NWD1: variants seen among roughly 807,000 people sequenced by gnomAD.
NWD1 encodes NACHT domain- and WD repeat-containing protein 1.
In NWD1, 129 loss-of-function variants were observed where a neutral mutation model predicts 135.1. The ratio of observed to expected loss-of-function variants is 0.96; its 90% CI spans 0.83 to 1.11. The LOEUF is 1.11. Among genes scored for constraint, NWD1 ranks in the 50% least tolerant of loss-of-function variants. The probability of loss-of-function intolerance (pLI) is 0.00; values close to 1 mark genes in which losing one functional copy is unlikely to be tolerated. For synonymous variants in NWD1, 773 were observed against 786.0 expected, an observed-to-expected ratio of 0.98 and a Z score of 0.28; for missense variants, 1,740 against 1,851.3, an observed-to-expected ratio of 0.94 and a Z score of 1.10.
At position 16,765,061 on chromosome 19, in the gene NWD1, G is replaced by A; in HGVS notation, c.2279G>A (p.Gly760Asp). 4 of 1,614,070 alleles carry A rather than the reference G, an allele frequency of 2.5e-6. No homozygotes were observed. Among genetic ancestry groups the A allele is most frequent in the East Asian group, 2.2e-5 (1 of 44,878 alleles). Residue 760 changes from glycine to aspartate, a missense_variant, in exon 10 of 19, where the codon GGC (glycine) becomes GAC (aspartate). By Grantham distance (94) the Gly-to-Asp change is moderately conservative. Transcript: ENST00000524140. ...AGCATGAGCTGGATTTCCTGCCGGGGCATCTCTGGGGGCATTGAAGACCTG... is the reference window on the plus strand; with the variant it reads ...AGCATGAGCTGGATTTCCTGCCGGGACATCTCTGGGGGCATTGAAGACCTG... The part of the protein sequence containing the change: ...LGSMSWISCR[G>D]ISGGIEDLLD...
chr19:16,803,963 C>T (rs1014458049), intron 17 of NWD1, among the ~76,000 whole-genome samples: 11 of 151,792 alleles, frequency 7.2e-5, no homozygotes, highest in Non-Finnish European at 1.3e-4. Flanking sequence ...TGGTCAAAAA[C>T]AGGATTTCAT....
rs117353506 is a variant in NWD1 at position 16,736,665 on chromosome 19, T to C, written c.113T>C (p.Ile38Thr). Residue 38 changes from isoleucine (I) to threonine (T), a missense_variant, in exon 4 of 19, where the codon ATT becomes ACT. Coordinates refer to ENST00000524140, the MANE Select transcript of NWD1 (RefSeq NM_001007525.5). ...VVDLRWGIRN[I>T]EATDHLTTEL... Reference sequence around the variant, plus strand: ...GATCTGAGGTGGGGTATTCGGAACATTGAAGCCACTGACCACTTGACCACA... The same window carrying C: ...GATCTGAGGTGGGGTATTCGGAACACTGAAGCCACTGACCACTTGACCACA... The C allele has an allele frequency of 0.01, 15,494 of 1,535,858 alleles. 123 individuals carry two copies. Among genetic ancestry groups the C allele is most frequent in the South Asian group, 0.017 (1,389 of 84,054 alleles).
Position 16,750,018 on chromosome 19 carries a change from C to T in NWD1, c.1376C>T (p.Pro459Leu). The change falls in exon 6 of 19, where the codon CCC (proline) becomes CTC (leucine). Residue 459 changes from proline to leucine, a missense_variant. Transcript: ENST00000524140. Reference sequence around the variant, plus strand: ...GTTCCCTGGCTGCCTCTCAACTGCCCCCCGAGGGTGCACCTCATCCTCTCA... The same window carrying T: ...GTTCCCTGGCTGCCTCTCAACTGCCTCCCGAGGGTGCACCTCATCCTCTCA... ...RRVPWLPLNC[P>L]PRVHLILSAC... The T allele has an allele frequency of 1.2e-6, 2 of 1,613,830 alleles. No homozygotes were observed. The highest frequency in any genetic ancestry group is 4.5e-5 in the East Asian group (2 of 44,878).
At chr19:16,807,386 G>A (rs1393235357) in intron 17 of NWD1, among the ~76,000 whole-genome samples, 200 bp from the exon 18 acceptor site, 8 of 151,940 alleles carry the variant, frequency 5.3e-5, no homozygotes, top group Admixed American at 3.9e-4. Context: ...CCAGCTACTC[G>A]GGAGGCTGCG....
intron 3 of NWD1, among the ~76,000 whole-genome samples, chr19:16,734,040 C>G (rs1967687522): frequency 6.6e-6 from 1 of 152,142 alleles, no homozygotes. Flanking sequence ...TCCACAGGGT[C>G]AGCTTTGCCT....
chr19:16,721,076 C>T (rs1272034076), intron 1 of NWD1, among the ~76,000 whole-genome samples: 2 of 152,094 alleles, frequency 1.3e-5, no homozygotes, highest in Non-Finnish European at 2.9e-5. Flanking sequence ...TCTCGAACTC[C>T]TGGCCTCAAG....
intron 11 of NWD1, among the ~76,000 whole-genome samples, chr19:16,774,403 TC>T (rs547261719): frequency 2.5e-4 from 36 of 144,240 alleles, no homozygotes; most frequent in Middle Eastern, 3.8e-3. Context: ...CATCCATCTA[TC>T]CCCCATCTCT....
intron 6 of NWD1, among the ~76,000 whole-genome samples, chr19:16,752,318 T>G (rs1408852636): frequency 6.6e-6 from 1 of 151,928 alleles, no homozygotes; most frequent in Non-Finnish European, 1.5e-5. Context: ...TCTTTCTGCC[T>G]GTTTCTTTGC....
At chr19:16,783,490 C>T (rs545184694) in intron 12 of NWD1, among the ~76,000 whole-genome samples, 58 of 151,960 alleles carry the variant, frequency 3.8e-4, no homozygotes, top group East Asian at 3.1e-3. Context: ...CAAAATTAGC[C>T]GGGCGTGGTG....
At chr19:16,787,877 AATAATAAT>A (rs1970092388) in intron 12 of NWD1, among the ~76,000 whole-genome samples, 30 of 42,098 alleles carry the variant, frequency 7.1e-4, no homozygotes, top group African/African-American at 2.3e-3. Context: ...TAATAATAAC[AATAATAAT>A]AATAATAATA....
chr19:16,751,428 A>T (rs1968573884), intron 6 of NWD1, among the ~76,000 whole-genome samples: 1 of 151,316 alleles, frequency 6.6e-6, no homozygotes, highest in South Asian at 2.1e-4. Context: ...AGAGTGAAAG[A>T]AGGAAAGGAA....
chr19:16,794,526 T>C lies in NWD1; in HGVS notation c.3277T>C (p.Ser1093Pro). 6.2e-7 allele frequency: 1 copy of C among 1,610,790 alleles called. No homozygotes were observed. Among genetic ancestry groups the C allele is most frequent in the African/African-American group, 1.3e-5 (1 of 75,022 alleles). Reference protein sequence around the residue: ...LPDAVRFLVVSEDESLLAAGF... With the variant: ...LPDAVRFLVVPEDESLLAAGF... ...AGATGCTGTGAGGTTCCTGGTGGTCTCTGAAGATGAGTCCCTCCTCGCCGC... is the reference window on the plus strand; with the variant it reads ...AGATGCTGTGAGGTTCCTGGTGGTCCCTGAAGATGAGTCCCTCCTCGCCGC... The change falls in exon 15 of 19, where the codon TCT becomes CCT. Residue 1093 changes from serine (S) to proline (P), a missense_variant. Ser to Pro is a moderately conservative substitution (Grantham distance 74, BLOSUM62 -1). Transcript: ENST00000524140.
intron 4 of NWD1, among the ~76,000 whole-genome samples, chr19:16,740,131 T>TA (rs1184609028): frequency 2.1e-3 from 292 of 137,590 alleles, no homozygotes; most frequent in South Asian, 6.4e-3. Context: ...GCCCCATCTC[T>TA]AAAAAAAAAA....
At chr19:16,806,257 C>A (rs939787837) in intron 17 of NWD1, among the ~76,000 whole-genome samples, 2 of 152,132 alleles carry the variant, frequency 1.3e-5, no homozygotes, top group African/African-American at 2.4e-5. Flanking sequence ...CCCTCACTGT[C>A]CAATTCTCGC....
chr19:16,723,693 GT>G (rs1967220451), intron 1 of NWD1, among the ~76,000 whole-genome samples: 1 of 151,506 alleles, frequency 6.6e-6, no homozygotes, highest in Admixed American at 6.6e-5. Flanking sequence ...GTTTTGTTTT[GT>G]TTTGTTTTGT....
At chr19:16,774,387 C>A (rs143157399) in intron 11 of NWD1, among the ~76,000 whole-genome samples, 3 of 150,510 alleles carry the variant, frequency 2.0e-5, no homozygotes, top group Middle Eastern at 3.5e-3. Context: ...CACCCTGCTA[C>A]CTTTCCATCC....
intron 17 of NWD1, among the ~76,000 whole-genome samples, chr19:16,806,029 C>T (rs1432845010): frequency 1.3e-5 from 2 of 151,992 alleles, no homozygotes; most frequent in South Asian, 2.1e-4. Flanking sequence ...CCTGCCACCA[C>T]GCCTGGTTAA....
intron 4 of NWD1, among the ~76,000 whole-genome samples, chr19:16,743,680 G>GTTTA (rs1555718905): frequency 7.9e-4 from 120 of 151,586 alleles, no homozygotes; most frequent in African/African-American, 2.6e-3. Context: ...TTATTAGTTT[G>GTTTA]TTTATTTATT....
chr19:16,778,260 C>T (rs1969725194), intron 11 of NWD1, among the ~76,000 whole-genome samples: 1 of 152,092 alleles, frequency 6.6e-6, no homozygotes, highest in African/African-American at 2.4e-5. Flanking sequence ...CACGTTTTCT[C>T]CAATATATCT....
Sources: allele counts gnomAD v4.1 joint callset (sites outside exome capture counted in the v4.1 genomes callset), GRCh38; gene constraint gnomAD v4.1.1; transcripts MANE v1.5; gene names NCBI Gene and HGNC (gene_info 2026-07-23, HGNC 2026-07-21).